BTAF1: variants seen among roughly 807,000 people sequenced by gnomAD.
BTAF1 encodes the protein TATA-binding protein-associated factor 172.
Under a neutral mutation model 227.1 loss-of-function variants are expected in BTAF1, and 38 were observed. The ratio of observed to expected loss-of-function variants is 0.17; its 90% CI spans 0.13 to 0.22. BTAF1 has a LOEUF of 0.22. Ranked by LOEUF, BTAF1 falls within the 10% of genes least tolerant of loss-of-function variation. The pLI is 1.00. For missense variants in BTAF1, 1,598 were observed against 2,204.0 expected, an observed-to-expected ratio of 0.73 and a Z score of 5.51; for synonymous variants, 742 against 751.9, an observed-to-expected ratio of 0.99 and a Z score of 0.21.
intron 5 of BTAF1, among the ~76,000 whole-genome samples, chr10:91,952,273 ACAG>A (rs1845819097): frequency 6.6e-6 from 1 of 151,892 alleles, no homozygotes; most frequent in Admixed American, 6.6e-5. Context: ...TTCTTTTTGG[ACAG>A]CTTCATGCTG....
rs1850533250 is a variant in BTAF1 at position 92,013,916 on chromosome 10, G to A, written c.4471G>A (p.Ala1491Thr). 6.2e-7 allele frequency: 1 copy of A among 1,613,662 alleles called. No homozygotes were observed. Residue 1491 changes from alanine to threonine, a missense_variant, in exon 32 of 38, where the codon GCG (alanine) becomes ACG (threonine). By Grantham distance (58) the Ala-to-Thr change is moderately conservative (BLOSUM62 0). Transcript: ENST00000265990. The stretch of plus-strand genomic sequence containing the variant: ...ATTAACAGGTGTTCTTGCTATGGAT[G>A]CGCTGCACCGCCAAGTACTACCGTT... ...EQEAGVLAMD[A>T]LHRQVLPFLL...
intron 1 of BTAF1, among the ~76,000 whole-genome samples, chr10:91,934,480 TCCCACC>T (rs1844471052): frequency 6.6e-6 from 1 of 151,940 alleles, no homozygotes. Flanking sequence ...CAAGTGATCC[TCCCACC>T]TCCACCTCCC....
intron 4 of BTAF1, among the ~76,000 whole-genome samples, chr10:91,949,851 T>A (rs562746395): frequency 6.6e-6 from 1 of 152,196 alleles, no homozygotes; most frequent in South Asian, 2.1e-4. Flanking sequence ...GACTGTGGGT[T>A]TTGGCCAGGT....
At position 92,024,732 on chromosome 10, in the gene BTAF1, G is replaced by GTTTTTTTGTTTTTTTTTTTTTTTTT. The variant is rs66512665; in HGVS notation, c.4864-17_4864-16insGTTTTTTTTTTTTTTTTTTTTTTTT. On this transcript the variant is annotated intron_variant, in intron 34 of 37. Transcript: ENST00000265990. Reference sequence around the variant, plus strand: ...TCTGCTTTTATTGAACGCTTATGTAGTTTTTTTTTTTTTTCTTCCTAAGTT... The same window carrying GTTTTTTTGTTTTTTTTTTTTTTTTT: ...TCTGCTTTTATTGAACGCTTATGTAGTTTTTTTGTTTTTTTTTTTTTTTTTTTTTTTTTTTTTTTCTTCCTAAGTT... The GTTTTTTTGTTTTTTTTTTTTTTTTT allele has an allele frequency of 1.1e-5, 14 of 1,268,016 alleles. 2 individuals carry two copies. Among genetic ancestry groups the GTTTTTTTGTTTTTTTTTTTTTTTTT allele is most frequent in the East Asian group, 2.5e-5 (1 of 39,398 alleles). 78.5% of individuals were successfully genotyped at this position (1,268,016 alleles called of 1,614,324 possible).
chr10:91,968,816 T>C (rs1847098967), intron 14 of BTAF1, among the ~76,000 whole-genome samples: 1 of 152,194 alleles, frequency 6.6e-6, no homozygotes, highest in Non-Finnish European at 1.5e-5. Context: ...TTCATATGTT[T>C]ATTCGCCATC....
At chr10:91,982,325 T>G (rs1848122829) in intron 17 of BTAF1, 100 bp downstream of exon 17, 2 of 1,493,844 alleles carry the variant, frequency 1.3e-6, no homozygotes, top group African/African-American at 1.4e-5. Context: ...CCATCAGTCC[T>G]TCCTTCCTTC....
chr10:91,950,161 GA>G (rs10706225), intron 4 of BTAF1, among the ~76,000 whole-genome samples: 16,831 of 68,404 alleles, frequency 0.25, 2,392 homozygotes, highest in Middle Eastern at 0.43. Context: ...GGGGGGGCGG[GA>G]AAGAAGACTA....
At chr10:91,975,220 CT>C (rs966605409) in intron 14 of BTAF1, among the ~76,000 whole-genome samples, 1 of 152,148 alleles carries the variant, frequency 6.6e-6, no homozygotes, top group Non-Finnish European at 1.5e-5. Flanking sequence ...AATACATTAA[CT>C]TTTGTTTGAA....
chr10:91,971,752 A>G (rs113169200), intron 14 of BTAF1, among the ~76,000 whole-genome samples: 1 of 152,172 alleles, frequency 6.6e-6, no homozygotes, highest in African/African-American at 2.4e-5. Flanking sequence ...GATTACAGGC[A>G]TGAGCCACCG....
At chr10:91,961,972 C>T (rs544873067) in intron 11 of BTAF1, among the ~76,000 whole-genome samples, 51 of 152,132 alleles carry the variant, frequency 3.4e-4, no homozygotes, top group East Asian at 1.7e-3. Flanking sequence ...CATAGTCTTA[C>T]GTATAAAACA....
At chr10:91,994,390 T>G in intron 22 of BTAF1, 145 bp from the exon 23 acceptor site, 1 of 570,808 alleles carries the variant, frequency 1.8e-6, no homozygotes, top group East Asian at 2.9e-5. Context: ...ACCCCAGCAC[T>G]TAAATTAAGG....
chr10:91,946,335 G>T (rs1466610812), intron 4 of BTAF1, among the ~76,000 whole-genome samples: 3 of 152,080 alleles, frequency 2.0e-5, no homozygotes, highest in Non-Finnish European at 4.4e-5. Flanking sequence ...CTTCAGCCTG[G>T]GCAACAAGAG....
At chr10:92,024,688 G>T in intron 34 of BTAF1, 68 bp from the exon 35 acceptor site, 9 of 1,304,702 alleles carry the variant, frequency 6.9e-6, no homozygotes, top group Admixed American at 2.2e-5. Flanking sequence ...AGAGAGGAAT[G>T]TCACAGTGAG....
Position 92,016,483 on chromosome 10 carries a change from CTTT to C in BTAF1, c.4710+29_4710+31del. The C allele has an allele frequency of 1.3e-5, 18 of 1,337,746 alleles. No homozygotes were observed. The highest frequency in any genetic ancestry group is 2.9e-5 in the Admixed American group (1 of 34,924). The allele number at this position is 1,337,746 out of a possible 1,614,324, so 82.9% of individuals were successfully genotyped here. On this transcript the variant is annotated intron_variant, in intron 33 of 37. Coordinates refer to ENST00000265990, the MANE Select transcript of BTAF1 (RefSeq NM_003972.3). ...TATTCCAGGTATAGATTACATTCTA[CTTT>C]TTTTTTTTTTGAGATGGAATTTCAC...
intron 32 of BTAF1, among the ~76,000 whole-genome samples, chr10:92,015,427 A>T (rs1335560715): frequency 6.6e-6 from 1 of 152,216 alleles, no homozygotes; most frequent in African/African-American, 2.4e-5. Flanking sequence ...TAACCTGTTA[A>T]CAGGTATTCA....
At chr10:91,999,466 C>A (rs1338568030) in intron 25 of BTAF1, among the ~76,000 whole-genome samples, 1 of 152,166 alleles carries the variant, frequency 6.6e-6, no homozygotes, top group Non-Finnish European at 1.5e-5. Flanking sequence ...GCGACCTCAG[C>A]TCACTGCAAC....
intron 25 of BTAF1, among the ~76,000 whole-genome samples, chr10:92,000,569 T>G (rs766530074): frequency 1.2e-4 from 18 of 152,164 alleles, no homozygotes; most frequent in African/African-American, 2.9e-4. Context: ...TGTTTGGTTG[T>G]TTGTTTGAGT....
At chr10:92,019,891 G>T (rs79702985) in intron 34 of BTAF1, among the ~76,000 whole-genome samples, 4 of 139,408 alleles carry the variant, frequency 2.9e-5, no homozygotes, top group Non-Finnish European at 3.1e-5. Flanking sequence ...TGTTGTTGCT[G>T]TTTTTTTTTT....
intron 1 of BTAF1, 91 bp downstream of exon 1, chr10:91,924,181 C>G (rs1843669230): frequency 1.3e-6 from 2 of 1,509,736 alleles, no homozygotes; most frequent in East Asian, 2.5e-5. Flanking sequence ...AAGAGCGGTT[C>G]TCATTGTCAC....
Sources: allele counts gnomAD v4.1 joint callset (sites outside exome capture counted in the v4.1 genomes callset), GRCh38; gene constraint gnomAD v4.1.1; transcripts MANE v1.5; gene names NCBI Gene and HGNC (gene_info 2026-07-23, HGNC 2026-07-21).